Variants in ITGAV observed in about 807,000 individuals in gnomAD.
ITGAV encodes integrin subunit alpha V.
In ITGAV, 76 loss-of-function variants were observed where a neutral mutation model predicts 143.8. That is an observed-to-expected ratio of 0.53 (90% confidence interval 0.44 to 0.64). The LOEUF is 0.64. Among genes scored for constraint, ITGAV ranks in the 30% least tolerant of loss-of-function variants. The pLI is 0.00. For missense variants in ITGAV, 1,193 were observed against 1,274.7 expected, an observed-to-expected ratio of 0.94 and a Z score of 0.98; for synonymous variants, 453 against 446.7, an observed-to-expected ratio of 1.01 and a Z score of -0.18.
At chr2:186,639,211 A>C (rs1688036765) in intron 10 of ITGAV, among the ~76,000 whole-genome samples, 3 of 152,188 alleles carry the variant, frequency 2.0e-5, no homozygotes, top group African/African-American at 7.2e-5. Flanking sequence ...TGTATGTCTC[A>C]AAGAATTATA....
intron 4 of ITGAV, among the ~76,000 whole-genome samples, chr2:186,626,497 A>G (rs956234566): frequency 2.6e-5 from 4 of 152,202 alleles, no homozygotes; most frequent in African/African-American, 7.2e-5. Context: ...ATAGTTTATT[A>G]GAGAAAATTA....
At chr2:186,668,292 C>T (rs2682856) in intron 24 of ITGAV, among the ~76,000 whole-genome samples, 1 of 132,158 alleles carries the variant, frequency 7.6e-6, no homozygotes, top group Non-Finnish European at 1.6e-5. Context: ...GTGGCGCGAT[C>T]TCAGCTCACT....
rs551272614 is a variant in ITGAV, at chr2:186,646,730, A to G, written c.1204A>G (p.Ile402Val). 4 of 1,605,410 alleles carry G rather than the reference A, an allele frequency of 2.5e-6. No homozygotes were observed. In the East Asian group the frequency reaches 6.7e-5, roughly 27 times the overall value. The change falls in exon 13 of 30, where the codon ATT becomes GTT. Residue 402 changes from isoleucine (I) to valine (V), a missense_variant. Physicochemically the swap from Ile to Val is conservative, Grantham distance 29. Coordinates refer to ENST00000261023, the MANE Select transcript of ITGAV (RefSeq NM_002210.5). ...APYGGEDKKG[I>V]VYIFNGRSTG... The stretch of plus-strand genomic sequence containing the variant: ...ATATGGGGGTGAAGATAAAAAAGGA[A>G]TTGTTTATATCTTCAATGGAAGATC...
intron 21 of ITGAV, among the ~76,000 whole-genome samples, chr2:186,665,673 C>T (rs971603732): frequency 1.3e-5 from 2 of 152,132 alleles, no homozygotes; most frequent in Admixed American, 6.6e-5. Flanking sequence ...TGCCCAGGAG[C>T]TTGAAAAGAA....
intron 1 of ITGAV, 70 bp from the exon 2 acceptor site, chr2:186,601,951 C>A: frequency 6.9e-7 from 1 of 1,446,052 alleles, no homozygotes; most frequent in Admixed American, 2.2e-5. Flanking sequence ...ATGATTGCTC[C>A]TCATAAATCA....
chr2:186,610,801 G>A (rs1687195055), intron 2 of ITGAV, among the ~76,000 whole-genome samples: 2 of 152,186 alleles, frequency 1.3e-5, no homozygotes, highest in South Asian at 4.1e-4. Flanking sequence ...AATGATCTAT[G>A]TATTTTCAGT....
intron 1 of ITGAV, chr2:186,600,430 C>T: frequency 1.3e-6 from 2 of 1,536,014 alleles, no homozygotes; most frequent in Non-Finnish European, 1.8e-6. Context: ...TAAAAGAGAA[C>T]TTTCTTCCCC....
chr2:186,671,798 C>G (rs962840458), intron 26 of ITGAV, among the ~76,000 whole-genome samples: 7 of 152,126 alleles, frequency 4.6e-5, no homozygotes, highest in Admixed American at 1.3e-4. Context: ...TCACCAGCCC[C>G]TGGTGACCAC....
intron 2 of ITGAV, among the ~76,000 whole-genome samples, chr2:186,620,686 A>G (rs953851722): frequency 1.3e-5 from 2 of 152,150 alleles, no homozygotes; most frequent in Admixed American, 6.5e-5. Flanking sequence ...TCGCTTCAGT[A>G]TAGGAGGTTG....
In ITGAV at chr2:186,679,494, GAT is replaced by G. The variant is rs1491139711; in HGVS notation, c.*2203_*2204del. ...GCCTACTTTCTGAAGAAAATGGTGG[GAT>G]TTTTTTTTATCATGATTAAATATCA... is the stretch of plus-strand genomic sequence containing the variant. On this transcript the variant is annotated 3_prime_UTR_variant, in exon 30 of 30. Coordinates refer to ENST00000261023, the MANE Select transcript of ITGAV (RefSeq NM_002210.5). 1 of 107,954 alleles carries G rather than the reference GAT, an allele frequency of 9.3e-6. No individual in the cohort carries two copies. The highest frequency in any genetic ancestry group is 2.2e-5 in the Non-Finnish European group (1 of 45,170). 6.7% of individuals were successfully genotyped at this position (107,954 alleles called of 1,614,324 possible).
chr2:186,668,641 C>T (rs11685758), intron 24 of ITGAV, 121 bp from the exon 25 acceptor site: 222,922 of 775,598 alleles, frequency 0.29, 33,466 homozygotes, highest in South Asian at 0.38. Flanking sequence ...TAGAGGTTAA[C>T]TGTGGAAATT....
At chr2:186,670,071 G>A (rs1689022039) in intron 26 of ITGAV, 2 of 403,236 alleles carry the variant, frequency 5.0e-6, no homozygotes, top group East Asian at 5.7e-5. Flanking sequence ...TTCTTTAACT[G>A]TCCTCTTTCT....
chr2:186,669,015 T>G (rs939151607), intron 25 of ITGAV, 95 bp downstream of exon 25: 9 of 1,149,492 alleles, frequency 7.8e-6, no homozygotes, highest in African/African-American at 1.6e-5. Context: ...ACAACTATTT[T>G]AATATAAAAC....
At chr2:186,669,570 T>C in intron 25 of ITGAV, 131 bp from the exon 26 acceptor site, 1 of 649,068 alleles carries the variant, frequency 1.5e-6, no homozygotes, top group East Asian at 2.8e-5. Context: ...ATATACTGAG[T>C]GGTAAATATT....
In ITGAV at chr2:186,638,261, T is replaced by C. The variant is rs780112636; in HGVS notation, c.803-16T>C. ...TGTCCTAAAAAATGAATAATTTGTTTGTTTGTTTGTTTCAGACTTTGTTTC... is the reference window on the plus strand; with the variant it reads ...TGTCCTAAAAAATGAATAATTTGTTCGTTTGTTTGTTTCAGACTTTGTTTC... On this transcript the variant is annotated splice_polypyrimidine_tract_variant and intron_variant, in intron 8 of 29. Transcript: ENST00000261023. 21 of 1,613,074 alleles carry C rather than the reference T, an allele frequency of 1.3e-5. No individual in the cohort carries two copies. Among genetic ancestry groups the C allele is most frequent in the Non-Finnish European group, 1.6e-5 (19 of 1,179,278 alleles).
At chr2:186,634,615 T>G (rs1687903940) in intron 6 of ITGAV, among the ~76,000 whole-genome samples, 1 of 152,038 alleles carries the variant, frequency 6.6e-6, no homozygotes, top group Non-Finnish European at 1.5e-5. Flanking sequence ...AATAGAAAAT[T>G]CAGGCATCAC....
chr2:186,592,556 G>A lies in ITGAV; in HGVS notation c.185+2033G>A, dbSNP rs74816107. Among the ~76,000 whole-genome samples the A allele has an allele frequency of 3.5e-3, 515 of 145,590 alleles. 3 individuals carry two copies. The highest frequency in any genetic ancestry group is 0.012 in the African/African-American group (496 of 40,272). On this transcript the variant is annotated intron_variant, in intron 1 of 29. Coordinates refer to ENST00000261023, the MANE Select transcript of ITGAV (RefSeq NM_002210.5). ...TGAGTTTAGTGTAAGATAAATGAGA[G>A]GCTGATAAACTTTAAGTGTTTTTTT...
At chr2:186,617,950 A>C (rs1165356594) in intron 2 of ITGAV, among the ~76,000 whole-genome samples, 1 of 152,130 alleles carries the variant, frequency 6.6e-6, no homozygotes, top group Non-Finnish European at 1.5e-5. Flanking sequence ...AGTCCAGGCT[A>C]TCTGAGGAGG....
intron 21 of ITGAV, among the ~76,000 whole-genome samples, chr2:186,666,217 A>T (rs1274282208): frequency 6.6e-6 from 1 of 152,144 alleles, no homozygotes; most frequent in African/African-American, 2.4e-5. Context: ...GCCTGCAGGA[A>T]TTAGGATATT....
Sources: allele counts gnomAD v4.1 joint callset (sites outside exome capture counted in the v4.1 genomes callset), GRCh38; gene constraint gnomAD v4.1.1; transcripts MANE v1.5; gene names NCBI Gene and HGNC (gene_info 2026-07-23, HGNC 2026-07-21).